The following FBXL17 variants were observed in gnomAD, a reference collection of about 807,000 sequenced individuals.
The protein encoded by FBXL17 is F-box/LRR-repeat protein 17.
A neutral mutation model predicts 66.2 loss-of-function variants in FBXL17; 22 were observed. That is an observed-to-expected ratio of 0.33 (90% CI 0.24 to 0.47). The LOEUF (loss-of-function observed/expected upper bound fraction) is 0.47, where lower values mean the gene tolerates loss of function less well. FBXL17 is among the 20% of genes least tolerant of loss of function. FBXL17 has a pLI of 1.00. For missense variants in FBXL17, 878 were observed against 948.2 expected, an observed-to-expected ratio of 0.93 and a Z score of 0.97; for synonymous variants, 474 against 400.5, an observed-to-expected ratio of 1.18 and a Z score of -2.19.
intron 4 of FBXL17, among the ~76,000 whole-genome samples, chr5:108,238,406 C>T (rs896912422): frequency 6.6e-6 from 1 of 152,214 alleles, no homozygotes; most frequent in African/African-American, 2.4e-5. Flanking sequence ...CCTCTTGGAG[C>T]TTACAATTTA....
intron 7 of FBXL17, among the ~76,000 whole-genome samples, chr5:107,910,037 C>T (rs182944418): frequency 6.6e-6 from 1 of 151,106 alleles, no homozygotes; most frequent in Non-Finnish European, 1.5e-5. Context: ...ATACACTGAA[C>T]TAAAGTGACT....
chr5:108,015,184 A>G (rs957537581), intron 7 of FBXL17, among the ~76,000 whole-genome samples: 1 of 152,224 alleles, frequency 6.6e-6, no homozygotes, highest in Non-Finnish European at 1.5e-5. Context: ...GAAAATTTAG[A>G]AATGGAGAGA....
At chr5:108,126,651 C>CTCTCTCTCTCTCTCTCTA (rs1554067324) in intron 6 of FBXL17, among the ~76,000 whole-genome samples, 1 of 108,054 alleles carries the variant, frequency 9.3e-6, no homozygotes, top group African/African-American at 3.1e-5. Context: ...CTCTCTCTCT[C>CTCTCTCTCTCTCTCTCTA]TATATATATA....
At chr5:108,351,807 A>G (rs73781335) in intron 3 of FBXL17, among the ~76,000 whole-genome samples, 10,500 of 152,278 alleles carry the variant, frequency 0.069, 1,231 homozygotes, top group African/African-American at 0.24. Flanking sequence ...GAAATAAAAG[A>G]AGAGAATCTA....
intron 4 of FBXL17, among the ~76,000 whole-genome samples, chr5:108,281,090 C>G (rs1367420946): frequency 6.6e-6 from 1 of 151,680 alleles, no homozygotes; most frequent in African/African-American, 2.4e-5. Context: ...ATTCAACACC[C>G]TACTCACAGT....
intron 3 of FBXL17, 30 bp from the exon 4 acceptor site, chr5:108,348,560 C>CA: frequency 1.3e-6 from 2 of 1,579,928 alleles, no homozygotes; most frequent in Middle Eastern, 1.7e-4. Flanking sequence ...GCTGAATGCT[C>CA]AAAAAATAAC....
intron 5 of FBXL17, among the ~76,000 whole-genome samples, chr5:108,212,691 G>C (rs956610296): frequency 6.6e-6 from 1 of 152,110 alleles, no homozygotes; most frequent in East Asian, 1.9e-4. Flanking sequence ...AGGAAGCTTC[G>C]TCCCAGAGGG....
chr5:108,154,589 T>TAAA (rs1751899055), intron 6 of FBXL17, among the ~76,000 whole-genome samples: 1 of 60,720 alleles, frequency 1.6e-5, no homozygotes, highest in African/African-American at 8.3e-5. Context: ...AAACTCAGTT[T>TAAA]CAAAAAAAAA....
In FBXL17 at chr5:108,114,775, A is replaced by G. The variant is rs187555770; in HGVS notation, c.1745+71342T>C. Reference sequence around the variant, plus strand: ...TCACACTACTGCATCTATTCACCACATTTAAATTCTTAGGGTGAACATATT... The same window carrying G: ...TCACACTACTGCATCTATTCACCACGTTTAAATTCTTAGGGTGAACATATT... On this transcript the variant is annotated intron_variant, in intron 6 of 8. Transcript: ENST00000542267. 3.3e-5 allele frequency among the ~76,000 whole-genome samples: 5 copies of G among 152,278 alleles called. No homozygotes were observed. The East Asian group carries it at 9.7e-4, about 29-fold the overall frequency.
intron 5 of FBXL17, among the ~76,000 whole-genome samples, chr5:108,206,273 T>C (rs182198523): frequency 2.0e-5 from 3 of 152,344 alleles, no homozygotes; most frequent in Admixed American, 1.3e-4. Flanking sequence ...AAAAAAAGGA[T>C]AAATATGTGA....
intron 4 of FBXL17, among the ~76,000 whole-genome samples, chr5:108,264,400 G>C (rs1330018422): frequency 6.6e-6 from 1 of 151,810 alleles, no homozygotes. Flanking sequence ...AAGATAAAGA[G>C]AACCAACAAA....
At chr5:107,875,849 C>T (rs990952073) in intron 8 of FBXL17, among the ~76,000 whole-genome samples, 6 of 152,190 alleles carry the variant, frequency 3.9e-5, no homozygotes, top group East Asian at 3.9e-4. Context: ...CAATAGCAGT[C>T]GGCCTCCACA....
At chr5:108,263,503 A>C (rs1178480901) in intron 4 of FBXL17, among the ~76,000 whole-genome samples, 3 of 152,194 alleles carry the variant, frequency 2.0e-5, no homozygotes, top group Admixed American at 6.5e-5. Flanking sequence ...ACATGTTTAC[A>C]TTCAATGAAA....
intron 1 of FBXL17, among the ~76,000 whole-genome samples, chr5:108,375,458 G>A (rs763218441): frequency 6.6e-6 from 1 of 151,586 alleles, no homozygotes; most frequent in African/African-American, 2.4e-5. Context: ...ATAAAAATGG[G>A]AACATTAATA....
intron 8 of FBXL17, among the ~76,000 whole-genome samples, chr5:107,873,932 C>T (rs1748533733): frequency 6.6e-6 from 1 of 152,098 alleles, no homozygotes; most frequent in South Asian, 2.1e-4. Context: ...TTTCACTATC[C>T]ATCAATCCCA....
chr5:107,873,053 A>T (rs1198079790), intron 8 of FBXL17, among the ~76,000 whole-genome samples: 1 of 152,218 alleles, frequency 6.6e-6, no homozygotes. Context: ...CATCAGTGGC[A>T]TGGTGGGGAT....
chr5:108,188,613 C>T (rs1561454720), intron 5 of FBXL17, among the ~76,000 whole-genome samples: 1 of 152,156 alleles, frequency 6.6e-6, no homozygotes, highest in Non-Finnish European at 1.5e-5. Flanking sequence ...CACACAGGAA[C>T]GGACTCATTC....
intron 4 of FBXL17, among the ~76,000 whole-genome samples, chr5:108,307,213 T>C (rs1193384056): frequency 2.0e-5 from 3 of 152,152 alleles, no homozygotes; most frequent in African/African-American, 7.2e-5. Flanking sequence ...AAAAACTGTT[T>C]TAAAAAAGAG....
intron 6 of FBXL17, among the ~76,000 whole-genome samples, chr5:108,142,890 G>A (rs1412506971): frequency 2.6e-5 from 4 of 151,738 alleles, no homozygotes; most frequent in Non-Finnish European, 4.4e-5. Flanking sequence ...TGTAGATGAC[G>A]GGTTGATGGG....
Sources: allele counts gnomAD v4.1 joint callset (sites outside exome capture counted in the v4.1 genomes callset), GRCh38; gene constraint gnomAD v4.1.1; transcripts MANE v1.5; gene names NCBI Gene and HGNC (gene_info 2026-07-23, HGNC 2026-07-21).